Variants in PCDH15 observed in about 807,000 individuals in gnomAD.
The protein encoded by PCDH15 is protocadherin-15.
In PCDH15, 129 loss-of-function variants were observed where a neutral mutation model predicts 178.5. The observed-to-expected ratio is 0.72, with a 90% CI of 0.63 to 0.84. PCDH15 has a LOEUF of 0.84. PCDH15 is among the 40% of genes least tolerant of loss of function. The probability of loss-of-function intolerance (pLI) is 0.00; values close to 1 mark genes in which losing one functional copy is unlikely to be tolerated. For missense variants in PCDH15, 2,230 were observed against 2,099.9 expected, an observed-to-expected ratio of 1.06 and a Z score of -1.21; for synonymous variants, 800 against 732.0, an observed-to-expected ratio of 1.09 and a Z score of -1.50.
At chr10:54,970,152 C>T (rs1361036151) in intron 2 of PCDH15, among the ~76,000 whole-genome samples, 1 of 152,184 alleles carries the variant, frequency 6.6e-6, no homozygotes, top group African/African-American at 2.4e-5. Flanking sequence ...CATGCAAGTA[C>T]ACAGTGGCCC....
intron 2 of PCDH15, among the ~76,000 whole-genome samples, chr10:54,569,136 A>C (rs1453320905): frequency 1.3e-5 from 2 of 152,022 alleles, no homozygotes; most frequent in African/African-American, 2.4e-5. Context: ...CCAAGAAATT[A>C]AAAAACTACA....
At chr10:55,127,033 C>T (rs556386302) in intron 2 of PCDH15, among the ~76,000 whole-genome samples, 5 of 152,168 alleles carry the variant, frequency 3.3e-5, no homozygotes, top group Non-Finnish European at 7.4e-5. Context: ...ACTAGTAGAA[C>T]ATACTTCAAA....
intron 23 of PCDH15, among the ~76,000 whole-genome samples, chr10:53,944,645 T>G (rs2086374477): frequency 6.6e-6 from 1 of 152,172 alleles, no homozygotes; most frequent in Admixed American, 6.5e-5. Context: ...CCAATACAAC[T>G]GACAAACTGC....
intron 20 of PCDH15, among the ~76,000 whole-genome samples, chr10:54,001,990 T>C (rs1257267414): frequency 6.6e-6 from 1 of 151,064 alleles, no homozygotes; most frequent in Non-Finnish European, 1.5e-5. Flanking sequence ...AAGGTCACTA[T>C]ATAATGATAA....
At chr10:53,923,601 T>A (rs1201410321) in intron 25 of PCDH15, among the ~76,000 whole-genome samples, 16 of 152,246 alleles carry the variant, frequency 1.1e-4, no homozygotes, top group Admixed American at 9.2e-4. Flanking sequence ...AGAAATCTTC[T>A]ACCTACTTAA....
At chr10:55,470,916 T>G (rs1361321057) in intron 2 of PCDH15, among the ~76,000 whole-genome samples, 1 of 152,158 alleles carries the variant, frequency 6.6e-6, no homozygotes, top group Non-Finnish European at 1.5e-5. Context: ...TCTTAGAATA[T>G]GTAGCTTTCC....
chr10:55,590,004 A>C (rs1484617347), intron 2 of PCDH15, among the ~76,000 whole-genome samples: 1 of 146,662 alleles, frequency 6.8e-6, no homozygotes, highest in Non-Finnish European at 1.5e-5. Flanking sequence ...CTATAAAGAC[A>C]CATGCACACG....
chr10:55,428,633 T>C (rs944736523), intron 2 of PCDH15, among the ~76,000 whole-genome samples: 1 of 151,946 alleles, frequency 6.6e-6, no homozygotes, highest in Non-Finnish European at 1.5e-5. Context: ...AGCAGTTTTT[T>C]GATAACATAT....
intron 2 of PCDH15, among the ~76,000 whole-genome samples, chr10:55,503,975 C>T (rs1033470628): frequency 1.5e-4 from 23 of 151,374 alleles, no homozygotes; most frequent in African/African-American, 5.3e-4. Flanking sequence ...CTAGAATAGA[C>T]AAAACTATAC....
intron 2 of PCDH15, among the ~76,000 whole-genome samples, chr10:55,548,669 C>G (rs2132085149): frequency 6.6e-6 from 1 of 152,234 alleles, no homozygotes; most frequent in Non-Finnish European, 1.5e-5. Context: ...AAAGCATACA[C>G]TTTAGCAACA....
rs934726399 is a variant in PCDH15, at chr10:54,076,623, TA to T, written c.2091+2707del. 7.0e-4 allele frequency among the ~76,000 whole-genome samples: 105 copies of T among 148,978 alleles called. 1 individual carries two copies. The highest frequency in any genetic ancestry group is 3.7e-3 in the East Asian group (19 of 5,130). On this transcript the variant is annotated intron_variant, in intron 17 of 37. Coordinates refer to ENST00000644397, the MANE Select transcript of PCDH15 (RefSeq NM_001384140.1). Reference sequence around the variant, plus strand: ...TAGTTTTATCTGTACCCCCGATAGCTAAAAAAAAAATAAATTACATGACACA... The same window carrying T: ...TAGTTTTATCTGTACCCCCGATAGCTAAAAAAAAATAAATTACATGACACA...
At chr10:55,365,443 A>T (rs564443688) in intron 2 of PCDH15, among the ~76,000 whole-genome samples, 1 of 152,214 alleles carries the variant, frequency 6.6e-6, no homozygotes, top group Admixed American at 6.5e-5. Flanking sequence ...TTCTGCAAAT[A>T]ACCTTGTGAG....
chr10:55,043,702 C>T (rs190547933), intron 2 of PCDH15, among the ~76,000 whole-genome samples: 1 of 148,380 alleles, frequency 6.7e-6, no homozygotes, highest in African/African-American at 2.5e-5. Flanking sequence ...AAAGTGAGAT[C>T]CTGTCTAAAT....
At chr10:55,537,918 A>G (rs980338378) in intron 2 of PCDH15, among the ~76,000 whole-genome samples, 4 of 152,218 alleles carry the variant, frequency 2.6e-5, no homozygotes, top group African/African-American at 9.6e-5. Flanking sequence ...TATAAAATAT[A>G]CAATTCTAGC....
intron 2 of PCDH15, among the ~76,000 whole-genome samples, chr10:54,662,404 T>A (rs6481111): frequency 0.1 from 15,611 of 151,868 alleles, 1,023 homozygotes; most frequent in African/African-American, 0.18. Flanking sequence ...TATCCTCAAA[T>A]TCAAAACAAA....
chr10:54,332,041 A>G (rs914759714), intron 6 of PCDH15, among the ~76,000 whole-genome samples: 1 of 150,996 alleles, frequency 6.6e-6, no homozygotes, highest in South Asian at 2.1e-4. Context: ...TTTGGGGACT[A>G]TTGATAAAAT....
At chr10:55,396,625 A>C (rs1200489369) in intron 2 of PCDH15, among the ~76,000 whole-genome samples, 1 of 152,204 alleles carries the variant, frequency 6.6e-6, no homozygotes, top group African/African-American at 2.4e-5. Flanking sequence ...CTTTGATTTC[A>C]AATGTGAGCT....
At chr10:55,217,423 C>G (rs1309111084) in intron 1 of PCDH15, among the ~76,000 whole-genome samples, 1 of 151,736 alleles carries the variant, frequency 6.6e-6, no homozygotes, top group African/African-American at 2.4e-5. Context: ...CTTTAAAAAC[C>G]TTCGTATTTT....
chr10:54,166,580 A>C (rs2046251205), intron 13 of PCDH15, among the ~76,000 whole-genome samples: 1 of 152,148 alleles, frequency 6.6e-6, no homozygotes, highest in Non-Finnish European at 1.5e-5. Flanking sequence ...CTCTATTTAA[A>C]TGTTTGTTTT....
Sources: allele counts gnomAD v4.1 joint callset (sites outside exome capture counted in the v4.1 genomes callset), GRCh38; gene constraint gnomAD v4.1.1; transcripts MANE v1.5; gene names NCBI Gene and HGNC (gene_info 2026-07-23, HGNC 2026-07-21).